The following KCTD19 variants were observed in gnomAD, a reference collection of about 807,000 sequenced individuals.
KCTD19 encodes potassium channel tetramerization domain containing 19.
A neutral mutation model predicts 103.5 loss-of-function variants in KCTD19; 67 were observed. The observed-to-expected ratio is 0.65, with a 90% confidence interval of 0.53 to 0.79. The LOEUF (loss-of-function observed/expected upper bound fraction) is 0.79, where lower values mean the gene tolerates loss of function less well. KCTD19 is among the 30% of genes least tolerant of loss of function. The pLI, the probability that KCTD19 is intolerant of heterozygous loss-of-function variation, is 0.00. For synonymous variants in KCTD19, 439 were observed against 452.2 expected, an observed-to-expected ratio of 0.97 and a Z score of 0.37; for missense variants, 980 against 1,136.1, an observed-to-expected ratio of 0.86 and a Z score of 1.98.
rs1376314821 is a variant in KCTD19, at chr16:67,294,707, A to G, written c.1476-13T>C. ...CTGAGTCCATGACCTGCAGAAACCA[A>G]GAGGGGTTGGTTAGTGAGTAGAGAC... On this transcript the variant is annotated splice_polypyrimidine_tract_variant and intron_variant, in intron 10 of 15. Transcript: ENST00000304372. The G allele has an allele frequency of 6.3e-7, 1 of 1,591,394 alleles. No individual in the cohort carries two copies. Among genetic ancestry groups the G allele is most frequent in the South Asian group, 1.1e-5 (1 of 90,640 alleles).
At position 67,293,787 on chromosome 16, in the gene KCTD19, G is replaced by T. The variant is rs200929259; in HGVS notation, c.1975C>A (p.Arg659=). 1 of 1,613,806 alleles carries T rather than the reference G, an allele frequency of 6.2e-7. No individual in the cohort carries two copies. The highest frequency in any genetic ancestry group is 8.5e-7 in the Non-Finnish European group (1 of 1,180,036). ...GTGGCCTCCTCCAAGGGGCTGCTCC[G>T]TGTGGCTGTCAGTGGCTGGAATTCC... ...QWEFQPLTAT[R]SSPLEEATLQ... Residue 659 remains arginine (R), a synonymous_variant, in exon 12 of 16, where the codon CGG becomes AGG. Transcript: ENST00000304372. The surrounding 1 kb of genome is among the most constrained non-coding windows in gnomAD (Gnocchi z 4.0).
intron 2 of KCTD19, among the ~76,000 whole-genome samples, chr16:67,315,866 G>A (rs369577714): frequency 9.9e-5 from 15 of 151,942 alleles, no homozygotes; most frequent in African/African-American, 2.7e-4. Flanking sequence ...CACCCACCTC[G>A]GACTCCCAAA....
intron 2 of KCTD19, among the ~76,000 whole-genome samples, chr16:67,309,391 G>A (rs1236165434): frequency 6.6e-6 from 1 of 152,184 alleles, no homozygotes; most frequent in Non-Finnish European, 1.5e-5. Context: ...GGATCTGGAG[G>A]CCAGAGGGAA....
At position 67,320,778 on chromosome 16, in the gene KCTD19, G is replaced by A. The variant is rs768628565; in HGVS notation, c.111C>T (p.Ser37=). Residue 37 remains serine, a synonymous_variant, in exon 2 of 16, where the codon TCC becomes TCT. Transcript: ENST00000304372. The surrounding 1 kb of genome is among the most constrained non-coding windows in gnomAD (Gnocchi z 4.0). Reference sequence around the variant, plus strand: ...AGGCTGAAGCCTCTTTCCACAGCAGGGAGTCTGGAAACTGAGAGAGTTTGC... The same window carrying A: ...AGGCTGAAGCCTCTTTCCACAGCAGAGAGTCTGGAAACTGAGAGAGTTTGC... ...PRSKLSQFPD[S]LLWKEASALT... 1 of 1,614,158 alleles carries A rather than the reference G, an allele frequency of 6.2e-7. No individual in the cohort carries two copies. Among genetic ancestry groups the A allele is most frequent in the Non-Finnish European group, 8.5e-7 (1 of 1,180,010 alleles).
At position 67,320,753 on chromosome 16, in the gene KCTD19, A is replaced by C; in HGVS notation, c.136T>G (p.Leu46Val). 1 of 1,614,228 alleles carries C rather than the reference A, an allele frequency of 6.2e-7. No homozygotes were observed. Among genetic ancestry groups the C allele is most frequent in the South Asian group, 1.1e-5 (1 of 91,080 alleles). ...AGCCTCTGGCTTTCTGAAGAGGTCA[A>C]GGCTGAAGCCTCTTTCCACAGCAGG... is the stretch of plus-strand genomic sequence containing the variant. ...DSLLWKEASALTSSESQRLFI... is the reference protein window; with the variant it reads ...DSLLWKEASAVTSSESQRLFI... Residue 46 changes from leucine to valine, a missense_variant, in exon 2 of 16, where the codon TTG becomes GTG. Transcript: ENST00000304372. This position sits in a 1 kb window ranked among gnomAD's most constrained non-coding sequence, Gnocchi z 4.0.
At chr16:67,315,586 ATTC>A (rs1277712888) in intron 2 of KCTD19, among the ~76,000 whole-genome samples, 1 of 152,100 alleles carries the variant, frequency 6.6e-6, no homozygotes, top group East Asian at 1.9e-4. Flanking sequence ...GGTTCAAGCA[ATTC>A]TTCTGCCTCA....
chr16:67,290,832 T>C, intron 15 of KCTD19, 53 bp downstream of exon 15: 1 of 1,487,300 alleles, frequency 6.7e-7, no homozygotes, highest in Non-Finnish European at 9.2e-7. Flanking sequence ...CACACGTCCA[T>C]CTGAGGCATC....
intron 8 of KCTD19, 78 bp downstream of exon 8, chr16:67,296,081 G>A: frequency 1.2e-6 from 1 of 859,022 alleles, no homozygotes; most frequent in Admixed American, 1.7e-5. Flanking sequence ...GAAGCTGTGT[G>A]AGGGCCAGGT....
chr16:67,306,694 C>T (rs1255925628), intron 2 of KCTD19, among the ~76,000 whole-genome samples: 1 of 152,184 alleles, frequency 6.6e-6, no homozygotes, highest in African/African-American at 2.4e-5. Flanking sequence ...TTAGTGCTTC[C>T]TGTTGCTATG....
chr16:67,290,874 G>A lies in KCTD19; in HGVS notation c.2667+11C>T, dbSNP rs756544907. On this transcript the variant is annotated intron_variant, in intron 15 of 15. Transcript: ENST00000304372. The stretch of plus-strand genomic sequence containing the variant: ...GTCGGTGGATTCCCAGGGATTGCAA[G>A]TGGCCCTCACCTCCACCCAGCTGTA... 16 of 1,605,564 alleles carry A rather than the reference G, an allele frequency of 1.0e-5. No homozygotes were observed. The highest frequency in any genetic ancestry group is 1.4e-5 in the Non-Finnish European group (16 of 1,176,074).
Position 67,326,727 on chromosome 16 carries a change from G to T in KCTD19, c.-20C>A, listed in dbSNP as rs2037185610. The T allele has an allele frequency of 6.4e-7, 1 of 1,570,394 alleles. No individual in the cohort carries two copies. Among genetic ancestry groups the T allele is most frequent in the African/African-American group, 1.4e-5 (1 of 71,252 alleles). ...TACCATGGTCGCGGCTCCAGCAGCG[G>T]GCGGGCGGGCTTGTGACCCGGCCAA... On this transcript the variant is annotated 5_prime_UTR_variant, in exon 1 of 16. Coordinates refer to ENST00000304372, the MANE Select transcript of KCTD19 (RefSeq NM_001100915.3).
Position 67,294,001 on chromosome 16 carries a change from T to A in KCTD19, c.1761A>T (p.Thr587=). The A allele has an allele frequency of 1.2e-6, 2 of 1,614,148 alleles. No homozygotes were observed. The highest frequency in any genetic ancestry group is 1.7e-6 in the Non-Finnish European group (2 of 1,180,018). Residue 587 remains threonine, a synonymous_variant, in exon 12 of 16, where the codon ACA becomes ACT. Transcript: ENST00000304372. ...TACACAAGCCACGGCAGTGTGAGTATGTGCTAGGGTTGCCAGCCCTCTTGG... is the reference window on the plus strand; with the variant it reads ...TACACAAGCCACGGCAGTGTGAGTAAGTGCTAGGGTTGCCAGCCCTCTTGG... The part of the protein sequence containing the change: ...RNAKRAGNPS[T]YSHCRGLCTN...
intron 8 of KCTD19, chr16:67,295,683 GC>G (rs1174160177): frequency 2.8e-6 from 1 of 363,380 alleles, no homozygotes; most frequent in East Asian, 5.1e-5. Context: ...CTCAGAGCTG[GC>G]CCCCTCCCTA....
rs1464841882 is a variant in KCTD19 at position 67,294,994 on chromosome 16, A to G, written c.1454T>C (p.Leu485Pro). 2 of 1,613,688 alleles carry G rather than the reference A, an allele frequency of 1.2e-6. No homozygotes were observed. The highest frequency in any genetic ancestry group is 4.5e-5 in the East Asian group (2 of 44,884). ...EYHIPSLSEALAQCEAYKSWT... is the reference protein window; with the variant it reads ...EYHIPSLSEAPAQCEAYKSWT... The stretch of plus-strand genomic sequence containing the variant: ...TTACTTGTATGCTTCACATTGTGCA[A>G]GGGCTTCTGAGAGGGATGGAATGTG... Residue 485 changes from leucine to proline, a missense_variant, in exon 10 of 16, where the codon CTT becomes CCT. Physicochemically the swap from Leu to Pro is moderately conservative, Grantham distance 98 (BLOSUM62 -3). Coordinates refer to ENST00000304372, the MANE Select transcript of KCTD19 (RefSeq NM_001100915.3).
chr16:67,305,705 T>A, intron 2 of KCTD19: 1 of 414,484 alleles, frequency 2.4e-6, no homozygotes, highest in South Asian at 1.7e-5. Context: ...TCCCAATAAA[T>A]TTCCGGATAT....
intron 2 of KCTD19, among the ~76,000 whole-genome samples, chr16:67,319,832 G>GC (rs1268782962): frequency 2.6e-5 from 4 of 151,696 alleles, no homozygotes; most frequent in African/African-American, 9.7e-5. Context: ...TGGTGTAAAT[G>GC]CATGTTGTGT....
chr16:67,313,817 C>G (rs1247234092), intron 2 of KCTD19, among the ~76,000 whole-genome samples: 1 of 151,416 alleles, frequency 6.6e-6, no homozygotes, highest in African/African-American at 2.4e-5. Context: ...CCTCAGCCTC[C>G]CAAAGTGCTG....
chr16:67,296,548 T>G (rs1408684364), intron 7 of KCTD19, among the ~76,000 whole-genome samples: 1 of 152,106 alleles, frequency 6.6e-6, no homozygotes, highest in Non-Finnish European at 1.5e-5. Flanking sequence ...GCCTCCGGTT[T>G]CTGGTTGGGT....
intron 2 of KCTD19, among the ~76,000 whole-genome samples, chr16:67,313,628 G>C (rs561370531): frequency 3.9e-5 from 6 of 152,200 alleles, no homozygotes; most frequent in Admixed American, 3.9e-4. Flanking sequence ...TTGCTCTGCT[G>C]CCCAGGCTGG....
Sources: allele counts gnomAD v4.1 joint callset (sites outside exome capture counted in the v4.1 genomes callset), GRCh38; gene constraint gnomAD v4.1.1; non-coding constraint Gnocchi (gnomAD v3.1); transcripts MANE v1.5; gene names NCBI Gene and HGNC (gene_info 2026-07-23, HGNC 2026-07-21).